The following PCDHA4 variants were observed in gnomAD, a reference collection of about 807,000 sequenced individuals.
PCDHA4 encodes the protein protocadherin alpha-4.
PCDHA4 carries 49 observed loss-of-function variants against 61.4 expected under a neutral mutation model. The observed-to-expected ratio is 0.80, with a 90% CI of 0.63 to 1.01. The LOEUF (loss-of-function observed/expected upper bound fraction) is 1.01. PCDHA4 is among the 50% of genes least tolerant of loss of function. The pLI, the probability that PCDHA4 is intolerant of heterozygous loss-of-function variation, is 0.00. For synonymous variants in PCDHA4, 590 were observed against 550.3 expected, an observed-to-expected ratio of 1.07 and a Z score of -1.01; for missense variants, 1,254 against 1,235.8, an observed-to-expected ratio of 1.01 and a Z score of -0.22.
intron 1 of PCDHA4, among the ~76,000 whole-genome samples, chr5:140,952,925 G>T (rs144855694): frequency 8.2e-4 from 125 of 152,200 alleles, no homozygotes; most frequent in African/African-American, 2.8e-3. Flanking sequence ...GGCATGAGCA[G>T]GAGCAGGAGC....
At chr5:140,989,109 A>C (rs2097330096) in intron 3 of PCDHA4, 2 of 152,240 alleles carry the variant, frequency 1.3e-5, no homozygotes, top group African/African-American at 4.8e-5. Context: ...CAACTTTTGA[A>C]TATATCTTAG....
chr5:140,984,516 TCA>T (rs1422083367), intron 3 of PCDHA4, among the ~76,000 whole-genome samples: 2 of 152,130 alleles, frequency 1.3e-5, no homozygotes, highest in Non-Finnish European at 2.9e-5. Context: ...GATGCATGAG[TCA>T]CAGTCTTCAT....
At chr5:140,973,276 C>G (rs1416819589) in intron 1 of PCDHA4, among the ~76,000 whole-genome samples, 1 of 152,132 alleles carries the variant, frequency 6.6e-6, no homozygotes, top group African/African-American at 2.4e-5. Context: ...TTTATTTCCC[C>G]CAGCACTGAT....
chr5:140,876,850 T>A, intron 1 of PCDHA4: 1 of 1,614,012 alleles, frequency 6.2e-7, no homozygotes, highest in Non-Finnish European at 8.5e-7. Flanking sequence ...GCAGCCCGAG[T>A]ACACAGTGTT....
chr5:140,877,401 G>A, intron 1 of PCDHA4: 1 of 1,613,944 alleles, frequency 6.2e-7, no homozygotes. Context: ...CGGACGCTCC[G>A]CGCCACCGCC....
chr5:140,942,615 A>G (rs1310858123), intron 1 of PCDHA4, among the ~76,000 whole-genome samples: 1 of 101,274 alleles, frequency 9.9e-6, no homozygotes, highest in African/African-American at 4.7e-5. Context: ...ATATTTGCCA[A>G]TTGTAAAAAA....
At chr5:140,882,565 C>T (rs782122682) in intron 1 of PCDHA4, 5 of 1,614,118 alleles carry the variant, frequency 3.1e-6, no homozygotes, top group Non-Finnish European at 4.2e-6. Context: ...GTGGGCGGAG[C>T]GCGGAGTGCA....
intron 1 of PCDHA4, among the ~76,000 whole-genome samples, chr5:140,977,142 T>C (rs781987643): frequency 6.6e-6 from 1 of 152,236 alleles, no homozygotes; most frequent in Non-Finnish European, 1.5e-5. Context: ...TCAGTCCTGC[T>C]GGAACTGTGC....
chr5:140,864,851 A>G (rs1554159167), intron 1 of PCDHA4: 1 of 152,190 alleles, frequency 6.6e-6, no homozygotes, highest in Non-Finnish European at 1.5e-5. Context: ...CTTCCCATAC[A>G]TGATGAAGGG....
chr5:140,836,764 A>G (rs1774728694), intron 1 of PCDHA4: 2 of 1,563,418 alleles, frequency 1.3e-6, no homozygotes, highest in Non-Finnish European at 1.7e-6. Context: ...TCTTGTTTCC[A>G]ACAATTTTAA....
chr5:140,979,405 C>A (rs2096849045), intron 2 of PCDHA4, among the ~76,000 whole-genome samples: 1 of 151,828 alleles, frequency 6.6e-6, no homozygotes, highest in Non-Finnish European at 1.5e-5. Flanking sequence ...TGTTGTCTAC[C>A]TTGTTTTTTT....
At chr5:140,851,037 T>C (rs1393971342) in intron 1 of PCDHA4, 4 of 1,398,626 alleles carry the variant, frequency 2.9e-6, no homozygotes, top group Non-Finnish European at 3.8e-6. Flanking sequence ...CCCTTAACAT[T>C]GGAGCCGACT....
At chr5:140,969,309 A>G in intron 1 of PCDHA4, 2 of 1,614,212 alleles carry the variant, frequency 1.2e-6, no homozygotes, top group Non-Finnish European at 1.7e-6. Context: ...ATTCTCAAAA[A>G]TGAGGCTGTT....
intron 1 of PCDHA4, among the ~76,000 whole-genome samples, chr5:140,818,462 T>G (rs1353185349): frequency 3.9e-5 from 6 of 152,212 alleles, no homozygotes; most frequent in African/African-American, 1.2e-4. Flanking sequence ...AAAGAAACTT[T>G]CCTCCCACAA....
intron 1 of PCDHA4, among the ~76,000 whole-genome samples, chr5:140,827,171 A>G (rs1444292153): frequency 1.3e-5 from 2 of 152,212 alleles, no homozygotes; most frequent in African/African-American, 4.8e-5. Context: ...AAATACCTCA[A>G]TAAAAGTCTT....
Position 140,974,796 on chromosome 5 carries a change from G to T in PCDHA4, c.2386-4153G>T, listed in dbSNP as rs2096640726. On this transcript the variant is annotated intron_variant, in intron 1 of 3. Transcript: ENST00000530339. The stretch of plus-strand genomic sequence containing the variant: ...AGCCACTGCGCCCAGCCCTCATTTT[G>T]ATATACTAGAAGACCAATATGCAAC... Among the ~76,000 whole-genome samples the T allele has an allele frequency of 2.6e-5, 4 of 152,194 alleles. No individual in the cohort carries two copies. In the South Asian group the frequency reaches 8.3e-4, roughly 32 times the overall value.
chr5:140,852,725 A>G lies in PCDHA4; in HGVS notation c.2385+43153A>G. The G allele has an allele frequency of 3.1e-6, 3 of 983,054 alleles. 1 individual carries two copies. The highest frequency in any genetic ancestry group is 3.7e-6 in the Non-Finnish European group (3 of 815,624). 60.9% of individuals were successfully genotyped at this position (983,054 alleles called of 1,614,324 possible). A position where few individuals can be genotyped will look rare whatever the true frequency, so the allele number is the denominator to read the frequency against. On this transcript the variant is annotated intron_variant, in intron 1 of 3. Coordinates refer to ENST00000530339, the MANE Select transcript of PCDHA4 (RefSeq NM_018907.4). ...GTATCTTTGTCTTTGCACGTTTTTC[A>G]AGTTTCATGTGCCATTTAAACTTGG...
At chr5:140,988,253 C>A (rs982953260) in intron 3 of PCDHA4, among the ~76,000 whole-genome samples, 1 of 152,188 alleles carries the variant, frequency 6.6e-6, no homozygotes, top group Non-Finnish European at 1.5e-5. Context: ...CAGCTCCCGC[C>A]TGTGAGTATC....
intron 1 of PCDHA4, chr5:140,862,879 G>T: frequency 1.8e-6 from 1 of 567,506 alleles, no homozygotes. Context: ...AGGTATTAGT[G>T]CTGGAACGAC....
Sources: allele counts gnomAD v4.1 joint callset (sites outside exome capture counted in the v4.1 genomes callset), GRCh38; gene constraint gnomAD v4.1.1; transcripts MANE v1.5; gene names NCBI Gene and HGNC (gene_info 2026-07-23, HGNC 2026-07-21).